The following ERG variants were observed in gnomAD, a reference collection of about 807,000 sequenced individuals.
The protein encoded by ERG is transcriptional regulator ERG.
A neutral mutation model predicts 55.3 loss-of-function variants in ERG; 9 were observed. The observed-to-expected ratio is 0.16, with a 90% confidence interval of 0.10 to 0.28. ERG has a LOEUF of 0.28. Ranked by LOEUF, ERG falls within the 10% of genes least tolerant of loss-of-function variation. ERG has a pLI of 1.00. For synonymous variants in ERG, 223 were observed against 237.3 expected, an observed-to-expected ratio of 0.94 and a Z score of 0.55; for missense variants, 434 against 631.6, an observed-to-expected ratio of 0.69 and a Z score of 3.35.
intron 2 of ERG, among the ~76,000 whole-genome samples, chr21:38,532,941 A>C (rs2059683184): frequency 6.6e-6 from 1 of 152,248 alleles, no homozygotes; most frequent in African/African-American, 2.4e-5. Context: ...TTTGGTCAAA[A>C]ATGATCTACT....
At chr21:38,387,218 G>A (rs780459398) in intron 9 of ERG, among the ~76,000 whole-genome samples, 5 of 152,212 alleles carry the variant, frequency 3.3e-5, no homozygotes, top group South Asian at 2.1e-4. Context: ...AAATACAGCC[G>A]TGAGGGGCCC....
intron 1 of ERG, among the ~76,000 whole-genome samples, chr21:38,647,205 C>A (rs9976018): frequency 2.0e-5 from 3 of 152,024 alleles, no homozygotes; most frequent in Non-Finnish European, 4.4e-5. Flanking sequence ...TAAACAAGGA[C>A]GACAACCAAC....
chr21:38,558,828 A>G (rs2059874492), intron 2 of ERG, among the ~76,000 whole-genome samples: 1 of 152,266 alleles, frequency 6.6e-6, no homozygotes, highest in South Asian at 2.1e-4. Context: ...AGAGAAATGG[A>G]GTCATAAAGG....
At chr21:38,591,621 G>C (rs2060100579) in intron 1 of ERG, among the ~76,000 whole-genome samples, 2 of 152,168 alleles carry the variant, frequency 1.3e-5, no homozygotes, top group African/African-American at 2.4e-5. Flanking sequence ...GAATCCAGGA[G>C]GCAGAGGTTG....
At chr21:38,459,375 A>G (rs981956986) in intron 1 of ERG, among the ~76,000 whole-genome samples, 4 of 152,238 alleles carry the variant, frequency 2.6e-5, no homozygotes, top group Non-Finnish European at 5.9e-5. Context: ...TGTAAGATTT[A>G]TTATGTAACA....
intron 1 of ERG, among the ~76,000 whole-genome samples, chr21:38,606,604 A>G (rs1365537279): frequency 6.6e-6 from 1 of 152,224 alleles, no homozygotes; most frequent in Non-Finnish European, 1.5e-5. Flanking sequence ...AAGCATCTAT[A>G]AAGTTAATTT....
chr21:38,499,765 G>T (rs2059406979), upstream of ERG, among the ~76,000 whole-genome samples: 1 of 150,554 alleles, frequency 6.6e-6, no homozygotes, highest in Non-Finnish European at 1.5e-5. Flanking sequence ...GGAGGAGGGA[G>T]GGAAGAGGGC....
chr21:38,627,699 G>A (rs1256506288), intron 1 of ERG, among the ~76,000 whole-genome samples: 1 of 152,146 alleles, frequency 6.6e-6, no homozygotes, highest in Non-Finnish European at 1.5e-5. Flanking sequence ...TGAACTCTTA[G>A]CGTTCTGGTA....
chr21:38,501,606 G>A (rs532513963), upstream of ERG, among the ~76,000 whole-genome samples: 7 of 152,186 alleles, frequency 4.6e-5, no homozygotes, highest in East Asian at 1.2e-3. Flanking sequence ...CGCGGACCAA[G>A]TTAGGGGGCA....
chr21:38,405,087 C>A (rs1988701310), intron 3 of ERG, among the ~76,000 whole-genome samples: 1 of 152,158 alleles, frequency 6.6e-6, no homozygotes, highest in African/African-American at 2.4e-5. Flanking sequence ...CTTTCCCATT[C>A]CATTCTCCTA....
intron 2 of ERG, among the ~76,000 whole-genome samples, chr21:38,570,633 C>T (rs528790212): frequency 2.6e-3 from 397 of 152,204 alleles, no homozygotes; most frequent in African/African-American, 9.1e-3. Flanking sequence ...CAGATGCTTC[C>T]GTTTCATATA....
chr21:38,623,533 TC>T, intron 1 of ERG, among the ~76,000 whole-genome samples: 1 of 152,316 alleles, frequency 6.6e-6, no homozygotes, highest in East Asian at 1.9e-4. Context: ...TTTTGCCCCA[TC>T]CGGCAGTGTT....
chr21:38,613,826 C>G (rs1264953502), intron 1 of ERG, among the ~76,000 whole-genome samples: 2 of 152,094 alleles, frequency 1.3e-5, no homozygotes, highest in Admixed American at 6.6e-5. Context: ...AGAAGGGGAC[C>G]CCCCCAATAC....
intron 1 of ERG, chr21:38,449,184 C>G (rs946787564): frequency 6.6e-6 from 1 of 152,198 alleles, no homozygotes; most frequent in Non-Finnish European, 1.5e-5. Context: ...GTGGCATAAT[C>G]ATTTCATATG....
intron 1 of ERG, among the ~76,000 whole-genome samples, chr21:38,599,942 A>G (rs2060154543): frequency 6.6e-6 from 1 of 152,254 alleles, no homozygotes; most frequent in Non-Finnish European, 1.5e-5. Flanking sequence ...GTAAACCTGT[A>G]GCAAAGCCAC....
At chr21:38,399,193 C>T (rs1422641128) in intron 6 of ERG, among the ~76,000 whole-genome samples, 1 of 152,140 alleles carries the variant, frequency 6.6e-6, no homozygotes, top group East Asian at 1.9e-4. Context: ...CTTAGTACCC[C>T]TTAGCTGCTA....
chr21:38,452,484 A>C, intron 1 of ERG, among the ~76,000 whole-genome samples: 1 of 152,366 alleles, frequency 6.6e-6, no homozygotes, highest in Non-Finnish European at 1.5e-5. Flanking sequence ...ATATGTATAC[A>C]TATTACTAAA....
At chr21:38,504,184 G>A (rs2059443095) in intron 2 of ERG, among the ~76,000 whole-genome samples, 1 of 152,164 alleles carries the variant, frequency 6.6e-6, no homozygotes, top group African/African-American at 2.4e-5. Flanking sequence ...TAGAAACCAA[G>A]GAAACTGTTA....
At chr21:38,621,098 C>T (rs2060287520) in intron 1 of ERG, among the ~76,000 whole-genome samples, 1 of 152,160 alleles carries the variant, frequency 6.6e-6, no homozygotes, top group African/African-American at 2.4e-5. Context: ...AAGGGAAGCC[C>T]AGGAATGCAA....
Sources: gnomAD v4.1 joint callset for allele counts (sites outside exome capture counted in the v4.1 genomes callset) on GRCh38, gnomAD v4.1.1 for gene constraint, MANE v1.5 for transcripts, NCBI Gene and HGNC (gene_info 2026-07-23, HGNC 2026-07-21) for gene names.